ZNF98: variants seen among roughly 807,000 people sequenced by gnomAD.
The protein encoded by ZNF98 is zinc finger protein 739.
In ZNF98, 8 loss-of-function variants were observed where a neutral mutation model predicts 12.8. The observed-to-expected ratio is 0.63, with a 90% CI of 0.37 to 1.13. The LOEUF (loss-of-function observed/expected upper bound fraction) is 1.13. ZNF98 is among the 50% of genes most tolerant of loss of function. The probability of loss-of-function intolerance (pLI) is 0.01; values close to 1 mark genes in which losing one functional copy is unlikely to be tolerated. For synonymous variants in ZNF98, 112 were observed against 223.5 expected, an observed-to-expected ratio of 0.50 and a Z score of 4.45; for missense variants, 379 against 666.1, an observed-to-expected ratio of 0.57 and a Z score of 4.74.
At chr19:22,402,976 T>C in intron 2 of ZNF98, 92 bp from the exon 3 acceptor site, 1 of 1,280,036 alleles carries the variant, frequency 7.8e-7, no homozygotes, top group Non-Finnish European at 1.0e-6. Context: ...TAGAATATTC[T>C]AGTAAATTGA....
Position 22,422,249 on chromosome 19 carries a change from G to T in ZNF98, c.-25C>A, listed in dbSNP as rs776711084. ...TCTTAGCTGTGGATTCCCAATACCTGCAGGTCACAGGGCCACAGAGGCTGG... is the reference window on the plus strand; with the variant it reads ...TCTTAGCTGTGGATTCCCAATACCTTCAGGTCACAGGGCCACAGAGGCTGG... On this transcript the variant is annotated 5_prime_UTR_variant, in exon 1 of 4. Coordinates refer to ENST00000357774, the MANE Select transcript of ZNF98 (RefSeq NM_001098626.2). 9 of 1,610,692 alleles carry T rather than the reference G, an allele frequency of 5.6e-6. No individual in the cohort carries two copies. The highest frequency in any genetic ancestry group is 7.6e-6 in the Non-Finnish European group (9 of 1,177,810).
At position 22,422,258 on chromosome 19, in the gene ZNF98, A is replaced by C. The variant is rs761738318; in HGVS notation, c.-34T>G. The C allele has an allele frequency of 9.3e-6, 15 of 1,609,534 alleles. No homozygotes were observed. The highest frequency in any genetic ancestry group is 1.7e-5 in the Admixed American group (1 of 59,870). On this transcript the variant is annotated 5_prime_UTR_variant, in exon 1 of 4. Transcript: ENST00000357774. Reference sequence around the variant, plus strand: ...TGGATTCCCAATACCTGCAGGTCACAGGGCCACAGAGGCTGGGCCTCTACG... The same window carrying C: ...TGGATTCCCAATACCTGCAGGTCACCGGGCCACAGAGGCTGGGCCTCTACG...
At chr19:22,404,006 G>C (rs915971775) in intron 1 of ZNF98, among the ~76,000 whole-genome samples, 5 of 152,198 alleles carry the variant, frequency 3.3e-5, no homozygotes, top group African/African-American at 1.2e-4. Flanking sequence ...GGATCACGAG[G>C]TCAGGAGACC....
At position 22,397,212 on chromosome 19, in the gene ZNF98, T is replaced by TTTTTGTG. The variant is rs368992859; in HGVS notation, c.254-4232_254-4231insCACAAAA. Among the ~76,000 whole-genome samples the TTTTTGTG allele has an allele frequency of 4.1e-5, 6 of 145,326 alleles. No individual in the cohort carries two copies. The East Asian group carries it at 8.1e-4, about 20-fold the overall frequency. The stretch of plus-strand genomic sequence containing the variant: ...CATCTGTGTGTGTGTGTGTGTGTTT[T>TTTTTGTG]TGTGTGTGTGTGTGTGTGTGTGTAT... On this transcript the variant is annotated intron_variant, in intron 3 of 3. Coordinates refer to ENST00000357774, the MANE Select transcript of ZNF98 (RefSeq NM_001098626.2).
intron 3 of ZNF98, among the ~76,000 whole-genome samples, chr19:22,396,330 T>A (rs1396847459): frequency 3.3e-5 from 5 of 152,106 alleles, no homozygotes; most frequent in African/African-American, 1.2e-4. Context: ...AACTATACTG[T>A]TGTTTCTTAT....
At position 22,422,299 on chromosome 19, in the gene ZNF98, A is replaced by G; in HGVS notation, c.-75T>C. 6.3e-7 allele frequency: 1 copy of G among 1,582,260 alleles called. No individual in the cohort carries two copies. The highest frequency in any genetic ancestry group is 8.7e-7 in the Non-Finnish European group (1 of 1,153,756). The stretch of plus-strand genomic sequence containing the variant: ...GGCCTCTACGAGCAGAGGACACAGA[A>G]GGGCGAAGACGAGACCAGGAACTCC... On this transcript the variant is annotated 5_prime_UTR_variant, in exon 1 of 4. Transcript: ENST00000357774.
At chr19:22,404,003 G>C (rs374202018) in intron 1 of ZNF98, among the ~76,000 whole-genome samples, 18 of 152,286 alleles carry the variant, frequency 1.2e-4, no homozygotes, top group South Asian at 6.2e-4. Flanking sequence ...GGTGGATCAC[G>C]AGGTCAGGAG....
intron 1 of ZNF98, among the ~76,000 whole-genome samples, chr19:22,412,821 G>C (rs1969594118): frequency 6.6e-6 from 1 of 152,104 alleles, no homozygotes; most frequent in Non-Finnish European, 1.5e-5. Context: ...GGGAGGCCGA[G>C]GCGGGAGTAT....
In ZNF98 at chr19:22,391,295, G is replaced by A; in HGVS notation, c.*221C>T. On this transcript the variant is annotated 3_prime_UTR_variant, in exon 4 of 4. Coordinates refer to ENST00000357774, the MANE Select transcript of ZNF98 (RefSeq NM_001098626.2). ...TGCTATTAAGTATAAATTCTCTGATGCTGAATAAGATGTGTGCAGATATTA... is the reference window on the plus strand; with the variant it reads ...TGCTATTAAGTATAAATTCTCTGATACTGAATAAGATGTGTGCAGATATTA... The A allele has an allele frequency of 1.1e-6, 1 of 918,988 alleles. No individual in the cohort carries two copies. The highest frequency in any genetic ancestry group is 1.6e-6 in the Non-Finnish European group (1 of 643,532). The allele number at this position is 918,988 out of a possible 1,614,324, so 56.9% of individuals were successfully genotyped here.
chr19:22,397,272 T>C (rs1599384398), intron 3 of ZNF98, among the ~76,000 whole-genome samples: 2 of 150,556 alleles, frequency 1.3e-5, no homozygotes, highest in South Asian at 2.1e-4. Context: ...AAAGCAAACA[T>C]TGACAGAATA....
intron 1 of ZNF98, among the ~76,000 whole-genome samples, chr19:22,417,316 A>G (rs1257539677): frequency 5.9e-5 from 9 of 151,384 alleles, no homozygotes; most frequent in African/African-American, 2.2e-4. Flanking sequence ...ACAGACACTG[A>G]GGCGTAGTTG....
intron 2 of ZNF98, 116 bp downstream of exon 2, chr19:22,403,270 A>C (rs1325929330): frequency 9.0e-4 from 1,073 of 1,187,646 alleles, no homozygotes; most frequent in South Asian, 2.3e-3. Context: ...AAAAAAAAAA[A>C]CAAAAAAAAA....
chr19:22,411,145 C>T (rs563475239), intron 1 of ZNF98, among the ~76,000 whole-genome samples: 1 of 152,270 alleles, frequency 6.6e-6, no homozygotes, highest in South Asian at 2.1e-4. Context: ...CAGGTTCAAG[C>T]TGTTCTTCTG....
rs781337922 is a variant in ZNF98 at position 22,392,166 on chromosome 19, T to C, written c.1069A>G (p.Lys357Glu). ...EKFYKCEECG[K>E]AFSRLSHLTT... ...AGGTGGGATAACCGGCTAAAGGCCT[T>C]ACCACATTCTTCACATTTGTAGAAT... The change falls in exon 4 of 4, where the codon AAG becomes GAG. Residue 357 changes from lysine (K) to glutamate (E), a missense_variant. By Grantham distance (56) the Lys-to-Glu change is moderately conservative. Around this residue, in one of 8 missense-constraint regions of ZNF98, gnomAD observed 15 missense variants for 27.0 expected, o/e 0.56. Coordinates refer to ENST00000357774, the MANE Select transcript of ZNF98 (RefSeq NM_001098626.2). 7 of 1,612,872 alleles carry C rather than the reference T, an allele frequency of 4.3e-6. No individual in the cohort carries two copies. The highest frequency in any genetic ancestry group is 4.0e-5 in the African/African-American group (3 of 74,780).
intron 1 of ZNF98, among the ~76,000 whole-genome samples, chr19:22,415,511 A>G (rs1969629906): frequency 6.6e-6 from 1 of 151,746 alleles, no homozygotes; most frequent in South Asian, 2.1e-4. Context: ...GATGGCTCAC[A>G]CCTGTAATCT....
At chr19:22,418,205 T>C (rs1014188991) in intron 1 of ZNF98, among the ~76,000 whole-genome samples, 7 of 152,100 alleles carry the variant, frequency 4.6e-5, no homozygotes, top group Admixed American at 2.0e-4. Flanking sequence ...ACAAACCCCA[T>C]AGGCCCATCT....
chr19:22,417,582 T>C (rs1032903823), intron 1 of ZNF98, among the ~76,000 whole-genome samples: 52 of 152,076 alleles, frequency 3.4e-4, no homozygotes, highest in African/African-American at 1.1e-3. Context: ...TGATGGATTT[T>C]TGTGTTTATG....
At chr19:22,403,271 C>A (rs56768795) in intron 2 of ZNF98, 115 bp downstream of exon 2, 462,685 of 1,009,010 alleles carry the variant, frequency 0.46, 92,769 homozygotes, top group Non-Finnish European at 0.49. Flanking sequence ...AAAAAAAAAA[C>A]AAAAAAAAAA....
intron 1 of ZNF98, among the ~76,000 whole-genome samples, chr19:22,408,751 G>C (rs970667386): frequency 2.0e-5 from 3 of 152,016 alleles, no homozygotes; most frequent in African/African-American, 7.2e-5. Context: ...ACCTCTTCAA[G>C]GAAAACTACA....
Sources: gnomAD v4.1 joint callset for allele counts (sites outside exome capture counted in the v4.1 genomes callset) on GRCh38, gnomAD v4.1.1 for gene constraint, gnomAD v4.1.1 regional missense constraint, MANE v1.5 for transcripts, NCBI Gene and HGNC (gene_info 2026-07-23, HGNC 2026-07-21) for gene names.